Variants in PLXDC2 observed in about 807,000 individuals in gnomAD.
PLXDC2 encodes plexin domain-containing protein 2.
In PLXDC2, 40 loss-of-function variants were observed where a neutral mutation model predicts 68.9. The observed-to-expected ratio is 0.58, with a 90% CI of 0.45 to 0.76. The LOEUF is 0.76. PLXDC2 is among the 30% of genes least tolerant of loss of function. The pLI is 0.00. For synonymous variants in PLXDC2, 243 were observed against 234.2 expected (o/e 1.04, Z -0.34); for missense variants, 644 against 661.9 (o/e 0.97, Z 0.30).
chr10:19,888,632 G>A (rs866027952), intron 1 of PLXDC2, among the ~76,000 whole-genome samples: 22 of 152,162 alleles, frequency 1.4e-4, no homozygotes, highest in African/African-American at 4.3e-4. Flanking sequence ...TTAGGCAGAT[G>A]AAACAGAGAC....
rs1834584447 is a variant in PLXDC2 at position 20,180,302 on chromosome 10, G to A, written c.1061+2893G>A. Among the ~76,000 whole-genome samples the A allele has an allele frequency of 2.0e-5, 3 of 152,098 alleles. No homozygotes were observed. In the South Asian group the frequency reaches 6.2e-4, roughly 32 times the overall value. The stretch of plus-strand genomic sequence containing the variant: ...TACCGAACACTTACTTAAAATCTTG[G>A]ATTTATTTTTAATTCTTCAGCAACC... On this transcript the variant is annotated intron_variant, in intron 9 of 13. Transcript: ENST00000377252.
At chr10:19,990,795 G>A (rs865924539) in intron 1 of PLXDC2, among the ~76,000 whole-genome samples, 1 of 152,136 alleles carries the variant, frequency 6.6e-6, no homozygotes, top group Non-Finnish European at 1.5e-5. Flanking sequence ...GGAAAGCAAT[G>A]TCAGAATTCA....
intron 2 of PLXDC2, among the ~76,000 whole-genome samples, chr10:20,022,227 A>G (rs1166045042): frequency 6.6e-6 from 1 of 152,230 alleles, no homozygotes; most frequent in African/African-American, 2.4e-5. Flanking sequence ...TATTCATTCA[A>G]CAGCTCTTTC....
Position 20,211,805 on chromosome 10 carries a change from A to G in PLXDC2, c.1122+76A>G, listed in dbSNP as rs1012654522. On this transcript the variant is annotated intron_variant, in intron 10 of 13. Coordinates refer to ENST00000377252, the MANE Select transcript of PLXDC2 (RefSeq NM_032812.9). ...TGTGTTTTAACTGTTAATAATTTTT[A>G]TTCAAAATTTATGCCCTAAAACTTA... 2.9e-6 allele frequency: 4 copies of G among 1,403,440 alleles called. No individual in the cohort carries two copies. The African/African-American group carries it at 5.7e-5, about 20-fold the overall frequency. 86.9% of individuals were successfully genotyped at this position (1,403,440 alleles called of 1,614,324 possible).
intron 1 of PLXDC2, among the ~76,000 whole-genome samples, chr10:19,929,923 C>G (rs1427922461): frequency 6.6e-6 from 1 of 152,174 alleles, no homozygotes; most frequent in African/African-American, 2.4e-5. Flanking sequence ...CACTGTGGTG[C>G]TAAGTTTCCT....
At chr10:20,098,346 C>CGCGTGTGTGT (rs1554766417) in intron 4 of PLXDC2, among the ~76,000 whole-genome samples, 1 of 103,060 alleles carries the variant, frequency 9.7e-6, no homozygotes, top group African/African-American at 3.3e-5. Flanking sequence ...CATTTTCGTG[C>CGCGTGTGTGT]GTGTGTGTGT....
chr10:20,225,201 A>G (rs1835269664), intron 12 of PLXDC2, among the ~76,000 whole-genome samples: 1 of 152,228 alleles, frequency 6.6e-6, no homozygotes, highest in Non-Finnish European at 1.5e-5. Flanking sequence ...ATAAAATTTT[A>G]GAACATTATT....
intron 4 of PLXDC2, among the ~76,000 whole-genome samples, chr10:20,118,697 A>G (rs926549600): frequency 3.3e-5 from 5 of 152,220 alleles, no homozygotes; most frequent in Admixed American, 6.5e-5. Context: ...AACTTCAGAC[A>G]GGGAAGAAAG....
At chr10:19,989,842 T>G (rs747690928) in intron 1 of PLXDC2, among the ~76,000 whole-genome samples, 1 of 151,296 alleles carries the variant, frequency 6.6e-6, no homozygotes, top group East Asian at 2.0e-4. Flanking sequence ...CTCCATCCCC[T>G]GGGTTTAAGC....
intron 1 of PLXDC2, among the ~76,000 whole-genome samples, chr10:19,825,223 A>G (rs1836548656): frequency 6.6e-6 from 1 of 152,172 alleles, no homozygotes; most frequent in African/African-American, 2.4e-5. Flanking sequence ...CAATAATTGG[A>G]CATTTTCCTT....
At chr10:20,200,058 G>A (rs1834896037) in intron 9 of PLXDC2, among the ~76,000 whole-genome samples, 1 of 151,764 alleles carries the variant, frequency 6.6e-6, no homozygotes, top group Non-Finnish European at 1.5e-5. Context: ...GCTTTTCTGA[G>A]CAGAAAAGCA....
intron 1 of PLXDC2, among the ~76,000 whole-genome samples, chr10:19,948,955 C>A (rs894682096): frequency 1.3e-5 from 2 of 151,486 alleles, no homozygotes; most frequent in African/African-American, 2.4e-5. Context: ...CATGGTGAAA[C>A]CCTGTCTTTA....
intron 1 of PLXDC2, among the ~76,000 whole-genome samples, chr10:19,896,338 G>T (rs923782005): frequency 7.2e-5 from 11 of 152,248 alleles, no homozygotes; most frequent in African/African-American, 2.7e-4. Context: ...AAGAATTGCA[G>T]TTCAGAGCTT....
chr10:19,864,828 G>A (rs75527801), intron 1 of PLXDC2, among the ~76,000 whole-genome samples: 1 of 152,128 alleles, frequency 6.6e-6, no homozygotes, highest in Non-Finnish European at 1.5e-5. Context: ...AATTCACGTC[G>A]GGCTGTAGTT....
intron 5 of PLXDC2, among the ~76,000 whole-genome samples, chr10:20,146,085 A>G (rs1834073743): frequency 6.6e-6 from 1 of 152,210 alleles, no homozygotes; most frequent in Admixed American, 6.5e-5. Context: ...TCACATGGAA[A>G]GTTTTATAGA....
intron 1 of PLXDC2, among the ~76,000 whole-genome samples, chr10:19,872,735 G>A (rs909905886): frequency 1.6e-4 from 25 of 152,054 alleles, no homozygotes; most frequent in Non-Finnish European, 2.9e-5. Flanking sequence ...GCTTGGGTCG[G>A]CATCCATGAG....
chr10:20,011,102 T>C (rs1835106191), intron 2 of PLXDC2, among the ~76,000 whole-genome samples: 1 of 152,238 alleles, frequency 6.6e-6, no homozygotes, highest in Non-Finnish European at 1.5e-5. Context: ...AATATTTGTC[T>C]AGTTGATTTT....
At chr10:19,948,314 A>G (rs1410265402) in intron 1 of PLXDC2, among the ~76,000 whole-genome samples, 1 of 152,016 alleles carries the variant, frequency 6.6e-6, no homozygotes, top group Non-Finnish European at 1.5e-5. Flanking sequence ...ATGAAGGGAA[A>G]TGGGGAAAAT....
At chr10:19,934,641 G>A (rs1475662017) in intron 1 of PLXDC2, among the ~76,000 whole-genome samples, 1 of 152,194 alleles carries the variant, frequency 6.6e-6, no homozygotes, top group East Asian at 1.9e-4. Flanking sequence ...GCGAAAGAAA[G>A]ATTATGGGCA....
Sources: allele counts gnomAD v4.1 joint callset (sites outside exome capture counted in the v4.1 genomes callset), GRCh38; gene constraint gnomAD v4.1.1; transcripts MANE v1.5; gene names NCBI Gene and HGNC (gene_info 2026-07-23, HGNC 2026-07-21).